The following MEI4 variants were observed in gnomAD, a reference collection of about 807,000 sequenced individuals.
MEI4 encodes meiotic double-stranded break formation protein 4, also known as meiosis-specific protein MEI4.
A neutral mutation model predicts 31.4 loss-of-function variants in MEI4; 27 were observed. That is an observed-to-expected ratio of 0.86 (90% CI 0.63 to 1.19). The LOEUF (loss-of-function observed/expected upper bound fraction) is 1.19. Among genes scored for constraint, MEI4 ranks in the 50% most tolerant of loss-of-function variants. The pLI, the probability that MEI4 is intolerant of heterozygous loss-of-function variation, is 0.00. For missense variants in MEI4, 329 were observed against 398.9 expected (o/e 0.82, Z 1.49); for synonymous variants, 122 against 145.4 (o/e 0.84, Z 1.16).
intron 3 of MEI4, among the ~76,000 whole-genome samples, chr6:77,768,863 C>G (rs1269181653): frequency 6.6e-6 from 1 of 151,978 alleles, no homozygotes; most frequent in Admixed American, 6.6e-5. Context: ...ATCTTAGTTT[C>G]TAATTGAATA....
upstream of MEI4, among the ~76,000 whole-genome samples, chr6:77,653,036 C>T (rs1179264613): frequency 6.6e-6 from 1 of 152,176 alleles, no homozygotes; most frequent in Non-Finnish European, 1.5e-5. Flanking sequence ...CCCTCCCACC[C>T]CTGATGAGGC....
At chr6:77,794,652 A>G (rs1017295396) in intron 3 of MEI4, among the ~76,000 whole-genome samples, 1 of 152,194 alleles carries the variant, frequency 6.6e-6, no homozygotes, top group Non-Finnish European at 1.5e-5. Flanking sequence ...TGACCACTCA[A>G]TAATAGTAAG....
intron 2 of MEI4, among the ~76,000 whole-genome samples, chr6:77,727,792 A>G (rs1766864703): frequency 6.6e-6 from 1 of 152,258 alleles, no homozygotes; most frequent in African/African-American, 2.4e-5. Context: ...ATAAGCCTAT[A>G]TAAGGCCCAC....
At chr6:77,678,265 G>C (rs535730078) in intron 1 of MEI4, among the ~76,000 whole-genome samples, 1 of 152,238 alleles carries the variant, frequency 6.6e-6, no homozygotes, top group Non-Finnish European at 1.5e-5. Flanking sequence ...GCTGCTATTC[G>C]GCCTGTATCT....
chr6:77,674,236 A>C (rs1357985594), intron 1 of MEI4, among the ~76,000 whole-genome samples: 3 of 152,166 alleles, frequency 2.0e-5, no homozygotes, highest in Non-Finnish European at 4.4e-5. Context: ...TTTTTAAGTC[A>C]CATCTAAGAT....
At chr6:77,657,545 C>A (rs929610545) in intron 1 of MEI4, among the ~76,000 whole-genome samples, 6 of 152,106 alleles carry the variant, frequency 3.9e-5, no homozygotes, top group African/African-American at 1.4e-4. Flanking sequence ...TATGTGGTGT[C>A]AACAATCCCT....
chr6:77,783,319 A>G (rs189670312), intron 3 of MEI4, among the ~76,000 whole-genome samples: 83 of 152,334 alleles, frequency 5.4e-4, no homozygotes, highest in African/African-American at 1.9e-3. Flanking sequence ...AAATGGCAAA[A>G]TAACTTAAAA....
At chr6:77,722,468 A>T (rs1037410983) in intron 2 of MEI4, among the ~76,000 whole-genome samples, 235 of 150,086 alleles carry the variant, frequency 1.6e-3, no homozygotes, top group African/African-American at 5.6e-3. Flanking sequence ...TAAAAAGGAT[A>T]CCCTATTCCT....
At chr6:77,653,332 C>T (rs1393258856) in intron 1 of MEI4, among the ~76,000 whole-genome samples, 3 of 152,196 alleles carry the variant, frequency 2.0e-5, no homozygotes, top group African/African-American at 7.2e-5. Context: ...CAGCCTTAGC[C>T]TCTTAACATC....
chr6:77,758,922 GTCTTCACTTACTT>G (rs1406604084), intron 2 of MEI4, among the ~76,000 whole-genome samples: 1 of 151,972 alleles, frequency 6.6e-6, no homozygotes, highest in African/African-American at 2.4e-5. Context: ...CTTACTTCCA[GTCTTCACTTACTT>G]TCTTCACTTC....
intron 3 of MEI4, among the ~76,000 whole-genome samples, chr6:77,778,318 G>A (rs1768507573): frequency 6.6e-6 from 1 of 152,032 alleles, no homozygotes; most frequent in Non-Finnish European, 1.5e-5. Flanking sequence ...GCAAATAGAG[G>A]TGATGGTGGA....
intron 4 of MEI4, among the ~76,000 whole-genome samples, chr6:77,839,738 G>A (rs1451524908): frequency 6.6e-6 from 1 of 152,064 alleles, no homozygotes; most frequent in African/African-American, 2.4e-5. Context: ...TGTAAATAAA[G>A]TTTTATTGGA....
At chr6:77,761,792 A>T (rs1028071047) in intron 3 of MEI4, 127 bp downstream of exon 3, 1 of 510,254 alleles carries the variant, frequency 2.0e-6, no homozygotes, top group Admixed American at 4.4e-5. Context: ...CTTTTTCTGC[A>T]GCTGTCTGCA....
chr6:77,917,615 G>GTTTT (rs1766592229), intron 4 of MEI4, among the ~76,000 whole-genome samples: 1 of 34,150 alleles, frequency 2.9e-5, no homozygotes, highest in Non-Finnish European at 4.7e-5. Flanking sequence ...TTTTGATGGG[G>GTTTT]TTGTTTTTTT....
chr6:77,715,883 G>A lies in MEI4; in HGVS notation c.232+24980G>A, dbSNP rs553625323. Among the ~76,000 whole-genome samples, 92 of 151,538 alleles carry A rather than the reference G, an allele frequency of 6.1e-4. 2 individuals are homozygous for A. Among genetic ancestry groups the A allele is most frequent in the African/African-American group, 1.5e-3 (63 of 41,312 alleles). On this transcript the variant is annotated intron_variant, in intron 2 of 4. Transcript: ENST00000684080. The stretch of plus-strand genomic sequence containing the variant: ...TTAATTTCTTGGTTGAAAATTGGCC[G>A]GTTACAATTTTTTTTTCTATTTCTC...
At chr6:77,697,345 T>C (rs1368829679) in intron 2 of MEI4, among the ~76,000 whole-genome samples, 1 of 152,162 alleles carries the variant, frequency 6.6e-6, no homozygotes, top group Admixed American at 6.5e-5. Flanking sequence ...TCTTGTTCTT[T>C]TAATTGTGAT....
At chr6:77,868,228 A>T (rs1475862022) in intron 4 of MEI4, among the ~76,000 whole-genome samples, 6 of 112,446 alleles carry the variant, frequency 5.3e-5, no homozygotes, top group African/African-American at 2.3e-4. Flanking sequence ...AAAAAAATTA[A>T]AAAAAATTAA....
intron 4 of MEI4, among the ~76,000 whole-genome samples, chr6:77,872,461 AT>A (rs1237706413): frequency 3.9e-5 from 6 of 152,162 alleles, no homozygotes; most frequent in Admixed American, 2.0e-4. Context: ...GCCTCTAAAA[AT>A]AAATAAATGA....
chr6:77,915,342 T>A (rs1235135940), intron 4 of MEI4, among the ~76,000 whole-genome samples: 1 of 152,076 alleles, frequency 6.6e-6, no homozygotes, highest in Non-Finnish European at 1.5e-5. Context: ...ATGAGTCTCA[T>A]GAGATTTTGC....
Sources: gnomAD v4.1 joint callset for allele counts (sites outside exome capture counted in the v4.1 genomes callset) on GRCh38, gnomAD v4.1.1 for gene constraint, MANE v1.5 for transcripts, NCBI Gene and HGNC (gene_info 2026-07-23, HGNC 2026-07-21) for gene names.